Variants in MMP20 observed in about 807,000 individuals in gnomAD.
MMP20 encodes the protein matrix metalloproteinase-20.
In MMP20, 50 loss-of-function variants were observed where a neutral mutation model predicts 51.8. The ratio of observed to expected loss-of-function variants is 0.97; its 90% CI spans 0.77 to 1.22. The LOEUF (loss-of-function observed/expected upper bound fraction) is 1.22. Among genes scored for constraint, MMP20 ranks in the 50% most tolerant of loss-of-function variants. The pLI is 0.00. For synonymous variants in MMP20, 244 were observed against 216.2 expected (o/e 1.13, Z -1.13); for missense variants, 663 against 601.4 (o/e 1.10, Z -1.07).
chr11:102,606,428 T>A (rs1384831244), intron 6 of MMP20, 107 bp downstream of exon 6: 2 of 1,447,402 alleles, frequency 1.4e-6, no homozygotes, highest in Middle Eastern at 2.4e-4. Flanking sequence ...TAGGACAGCA[T>A]TTCTGCATGA....
At chr11:102,583,218 T>A (rs1199468060) in intron 8 of MMP20, among the ~76,000 whole-genome samples, 1 of 152,232 alleles carries the variant, frequency 6.6e-6, no homozygotes, top group African/African-American at 2.4e-5. Flanking sequence ...CATCCAGACC[T>A]ATGTTTTCTA....
Position 102,609,104 on chromosome 11 carries a change from C to A in MMP20, c.650-6G>T. Reference sequence around the variant, plus strand: ...AACGGTAAACAAATTAAAACCTAGACAATATGAGAGAGAAAAAAACAGTAT... The same window carrying A: ...AACGGTAAACAAATTAAAACCTAGAAAATATGAGAGAGAAAAAAACAGTAT... On this transcript the variant is annotated splice_polypyrimidine_tract_variant and splice_region_variant and intron_variant, in intron 4 of 9. Transcript: ENST00000260228. 6.2e-7 allele frequency: 1 copy of A among 1,614,002 alleles called. No homozygotes were observed.
rs1260156489 is a variant in MMP20 at position 102,576,844 on chromosome 11, G to A, written c.*482C>T. On this transcript the variant is annotated 3_prime_UTR_variant, in exon 10 of 10. Coordinates refer to ENST00000260228, the MANE Select transcript of MMP20 (RefSeq NM_004771.4). ...CTCTTATGCAGTATTTTGTTGTGATGTCTTTTAAGTAAAAATTGGGAAATT... is the reference window on the plus strand; with the variant it reads ...CTCTTATGCAGTATTTTGTTGTGATATCTTTTAAGTAAAAATTGGGAAATT... 1.2e-5 allele frequency: 2 copies of A among 171,978 alleles called. No individual in the cohort carries two copies. Among genetic ancestry groups the A allele is most frequent in the Non-Finnish European group, 2.5e-5 (2 of 79,566 alleles). The allele number at this position is 171,978 out of a possible 1,614,324, so 10.7% of individuals were successfully genotyped here.
chr11:102,599,285 G>A (rs1565393912), intron 6 of MMP20, among the ~76,000 whole-genome samples: 1 of 152,126 alleles, frequency 6.6e-6, no homozygotes, highest in Admixed American at 6.5e-5. Context: ...TTCCCAAAGT[G>A]CTGGGATTAC....
intron 6 of MMP20, chr11:102,605,256 C>T (rs1216562577): frequency 6.6e-6 from 1 of 152,184 alleles, no homozygotes; most frequent in Non-Finnish European, 1.5e-5. Flanking sequence ...CTTGCAGTAC[C>T]TTGATCTTGA....
chr11:102,615,201 A>T (rs1179247840), intron 2 of MMP20, among the ~76,000 whole-genome samples: 2 of 141,804 alleles, frequency 1.4e-5, no homozygotes, highest in Non-Finnish European at 3.0e-5. Flanking sequence ...TATTATTAAT[A>T]AATAGTATTT....
At chr11:102,579,238 T>C (rs990831634) in intron 8 of MMP20, 96 bp from the exon 9 acceptor site, 8 of 751,948 alleles carry the variant, frequency 1.1e-5, no homozygotes, top group Non-Finnish European at 1.9e-5. Context: ...ACATAACTTA[T>C]TTAGGTGTTC....
intron 2 of MMP20, among the ~76,000 whole-genome samples, chr11:102,613,602 G>C (rs1433550446): frequency 1.3e-5 from 2 of 152,154 alleles, no homozygotes; most frequent in Non-Finnish European, 2.9e-5. Context: ...TAATGCAGAT[G>C]GTGCAATTTC....
intron 8 of MMP20, chr11:102,583,433 A>G (rs567990050): frequency 2.0e-5 from 3 of 152,268 alleles, no homozygotes; most frequent in Non-Finnish European, 4.4e-5. Context: ...TTACTGTACC[A>G]TTTCTAAGTT....
chr11:102,588,046 T>C (rs1235928505), intron 8 of MMP20, among the ~76,000 whole-genome samples: 9 of 152,138 alleles, frequency 5.9e-5, no homozygotes. Context: ...TGTTTTCTTT[T>C]GCATTAGTAA....
At chr11:102,609,450 C>T (rs1413662964) in intron 4 of MMP20, among the ~76,000 whole-genome samples, 1 of 152,006 alleles carries the variant, frequency 6.6e-6, no homozygotes, top group Non-Finnish European at 1.5e-5. Context: ...TAATAGTTCC[C>T]TGCTATTACA....
intron 8 of MMP20, among the ~76,000 whole-genome samples, chr11:102,582,265 A>C (rs1784410): frequency 0.52 from 78,935 of 151,910 alleles, 20,910 homozygotes; most frequent in South Asian, 0.66. Context: ...TTTCAGTCAC[A>C]TGTCAAGGGC....
intron 2 of MMP20, among the ~76,000 whole-genome samples, chr11:102,612,363 G>T (rs1859613267): frequency 6.6e-6 from 1 of 152,216 alleles, no homozygotes; most frequent in Non-Finnish European, 1.5e-5. Flanking sequence ...TACTTGGGAG[G>T]CTGAGGCAGA....
Position 102,616,998 on chromosome 11 carries a change from C to T in MMP20, c.188G>A (p.Arg63Lys). ...CTTCCTTATCATGGAATTGCTTCCTCTTGCAACCATCTCACCAATCTGGTG... is the reference window on the plus strand; with the variant it reads ...CTTCCTTATCATGGAATTGCTTCCTTTTGCAACCATCTCACCAATCTGGTG... ...EGHQIGEMVARGSNSMIRKIK... is the reference protein window; with the variant it reads ...EGHQIGEMVAKGSNSMIRKIK... Residue 63 changes from arginine to lysine, a missense_variant, in exon 2 of 10, where the codon AGA becomes AAA. Physicochemically the swap from Arg to Lys is conservative, Grantham distance 26. Transcript: ENST00000260228. 6.2e-7 allele frequency: 1 copy of T among 1,614,172 alleles called. No individual in the cohort carries two copies. The highest frequency in any genetic ancestry group is 8.5e-7 in the Non-Finnish European group (1 of 1,180,026).
intron 1 of MMP20, among the ~76,000 whole-genome samples, chr11:102,624,247 G>T (rs1412738510): frequency 1.3e-5 from 2 of 152,176 alleles, no homozygotes; most frequent in Non-Finnish European, 2.9e-5. Context: ...TCACAGATGT[G>T]CTGTAATGTT....
In MMP20 at chr11:102,593,340, T is replaced by A. The variant is rs192363990; in HGVS notation, c.1247+99A>T. ...TGGCCGAGAAGAGTCAACGGGCCTA[T>A]CGCAAACTTGCTTTGCATTCTTTCG... On this transcript the variant is annotated intron_variant, in intron 8 of 9. Coordinates refer to ENST00000260228, the MANE Select transcript of MMP20 (RefSeq NM_004771.4). The A allele has an allele frequency of 4.5e-6, 6 of 1,321,920 alleles. No individual in the cohort carries two copies. In the East Asian group the frequency reaches 1.2e-4, roughly 27 times the overall value. The allele number at this position is 1,321,920 out of a possible 1,614,324, so 81.9% of individuals were successfully genotyped here.
At chr11:102,611,477 CA>C (rs1591620991) in intron 3 of MMP20, among the ~76,000 whole-genome samples, 1 of 152,326 alleles carries the variant, frequency 6.6e-6, no homozygotes, top group East Asian at 1.9e-4. Context: ...GCAAAATCTG[CA>C]AGAATTTGTC....
intron 6 of MMP20, among the ~76,000 whole-genome samples, chr11:102,596,863 C>T (rs1859387155): frequency 1.3e-5 from 2 of 152,228 alleles, no homozygotes; most frequent in South Asian, 4.1e-4. Context: ...GACTGCTTCC[C>T]TTTTCCCTTT....
At chr11:102,582,888 TA>T (rs1161072554) in intron 8 of MMP20, among the ~76,000 whole-genome samples, 1 of 152,206 alleles carries the variant, frequency 6.6e-6, no homozygotes, top group African/African-American at 2.4e-5. Flanking sequence ...GTGTTTTCTA[TA>T]ACAAACATCA....
Sources: allele counts gnomAD v4.1 joint callset (sites outside exome capture counted in the v4.1 genomes callset), GRCh38; gene constraint gnomAD v4.1.1; transcripts MANE v1.5; gene names NCBI Gene and HGNC (gene_info 2026-07-23, HGNC 2026-07-21).